The following TAFA1 variants were observed in gnomAD, a reference collection of about 807,000 sequenced individuals.
TAFA1 encodes the protein TAFA chemokine like family member 1, also known as chemokine-like protein TAFA-1.
In TAFA1, 4 loss-of-function variants were observed where a neutral mutation model predicts 18.5. That is an observed-to-expected ratio of 0.22 (90% CI 0.11 to 0.49). The LOEUF (loss-of-function observed/expected upper bound fraction) is 0.49, where lower values mean the gene tolerates loss of function less well. Among genes scored for constraint, TAFA1 ranks in the 20% least tolerant of loss-of-function variants. The probability of loss-of-function intolerance (pLI) is 0.98; values close to 1 mark genes in which losing one functional copy is unlikely to be tolerated. For missense variants in TAFA1, 147 were observed against 169.0 expected (o/e 0.87, Z 0.72); for synonymous variants, 56 against 55.2 (o/e 1.01, Z -0.06).
chr3:68,399,523 C>T (rs143568263), intron 2 of TAFA1, among the ~76,000 whole-genome samples: 30 of 152,220 alleles, frequency 2.0e-4, no homozygotes, highest in African/African-American at 6.5e-4. Context: ...AAATCTGTAT[C>T]TAATTGATTC....
Position 68,361,219 on chromosome 3 carries a change from A to T in TAFA1, c.119-56061A>T, listed in dbSNP as rs993404677. On this transcript the variant is annotated intron_variant, in intron 2 of 4. Transcript: ENST00000478136. ...AACATTGATGGAACTGGAAGTTTTT[A>T]TGTTAAGTGAAAAACCGAACACAGA... Among the ~76,000 whole-genome samples, 12 of 152,150 alleles carry T rather than the reference A, an allele frequency of 7.9e-5. No homozygotes were observed. The East Asian group carries it at 2.3e-3, about 29-fold the overall frequency.
intron 2 of TAFA1, among the ~76,000 whole-genome samples, chr3:68,019,714 A>T (rs940283006): frequency 1.3e-5 from 2 of 152,150 alleles, no homozygotes; most frequent in Non-Finnish European, 1.5e-5. Flanking sequence ...GAAATTGCCT[A>T]TATAATCAGA....
intron 2 of TAFA1, among the ~76,000 whole-genome samples, chr3:68,324,804 C>A (rs974436181): frequency 6.6e-6 from 1 of 152,068 alleles, no homozygotes; most frequent in African/African-American, 2.4e-5. Flanking sequence ...GTAGGACAAA[C>A]GAAGTGGAGC....
chr3:68,228,036 G>T (rs947599775), intron 2 of TAFA1, among the ~76,000 whole-genome samples: 1 of 152,122 alleles, frequency 6.6e-6, no homozygotes. Flanking sequence ...TTGTAGCTGA[G>T]CCCTCAGGAT....
At chr3:68,044,899 AATT>A (rs1705236813) in intron 2 of TAFA1, among the ~76,000 whole-genome samples, 1 of 152,220 alleles carries the variant, frequency 6.6e-6, no homozygotes, top group Non-Finnish European at 1.5e-5. Context: ...AATTGATAGT[AATT>A]ATTATCACAT....
chr3:68,447,117 G>T (rs1358178579), intron 3 of TAFA1, among the ~76,000 whole-genome samples: 1 of 152,130 alleles, frequency 6.6e-6, no homozygotes, highest in Admixed American at 6.6e-5. Context: ...TTAAAAGTGG[G>T]TAAAGAAAAG....
intron 2 of TAFA1, among the ~76,000 whole-genome samples, chr3:68,287,843 A>T (rs1332765028): frequency 2.3e-5 from 3 of 132,974 alleles, no homozygotes; most frequent in African/African-American, 8.2e-5. Flanking sequence ...GGATTGAAGA[A>T]CATTTTTAGA....
At chr3:68,172,728 G>A (rs955286740) in intron 2 of TAFA1, among the ~76,000 whole-genome samples, 1 of 152,022 alleles carries the variant, frequency 6.6e-6, no homozygotes, top group African/African-American at 2.4e-5. Flanking sequence ...ACACAAATAA[G>A]CGTTGGAAAC....
chr3:68,338,557 CA>C (rs1303179168), intron 2 of TAFA1, among the ~76,000 whole-genome samples: 1 of 152,128 alleles, frequency 6.6e-6, no homozygotes. Context: ...TAAGGATTCT[CA>C]ATTCATCCTT....
intron 2 of TAFA1, among the ~76,000 whole-genome samples, chr3:68,294,860 G>T (rs2068180055): frequency 6.6e-6 from 1 of 152,174 alleles, no homozygotes; most frequent in South Asian, 2.1e-4. Context: ...CTGGGCAACA[G>T]AGAGAGATCG....
At chr3:68,345,894 G>C (rs2069156895) in intron 2 of TAFA1, among the ~76,000 whole-genome samples, 1 of 152,116 alleles carries the variant, frequency 6.6e-6, no homozygotes, top group South Asian at 2.1e-4. Context: ...CTTTTTTAGA[G>C]ATAAAGATAG....
chr3:68,429,071 T>G (rs2071113977), intron 3 of TAFA1, among the ~76,000 whole-genome samples: 3 of 151,994 alleles, frequency 2.0e-5, no homozygotes, highest in Admixed American at 6.6e-5. Context: ...AATACTGATT[T>G]CAGCAGGCAG....
At chr3:68,495,973 G>C (rs1963646) in intron 3 of TAFA1, among the ~76,000 whole-genome samples, 1 of 131,154 alleles carries the variant, frequency 7.6e-6, no homozygotes, top group African/African-American at 3.0e-5. Context: ...AAATAACAAC[G>C]ATAGTGAACC....
chr3:68,175,776 A>T (rs1420481196), intron 2 of TAFA1, among the ~76,000 whole-genome samples: 1 of 152,030 alleles, frequency 6.6e-6, no homozygotes, highest in Non-Finnish European at 1.5e-5. Context: ...GATGGTTGGG[A>T]AGGCATGATT....
At chr3:68,414,660 G>A (rs1435876266) in intron 2 of TAFA1, among the ~76,000 whole-genome samples, 1 of 152,182 alleles carries the variant, frequency 6.6e-6, no homozygotes, top group Non-Finnish European at 1.5e-5. Context: ...AGCTCCAAGA[G>A]TAGCAGAGAA....
chr3:68,271,054 A>G (rs2067656669), intron 2 of TAFA1, among the ~76,000 whole-genome samples: 1 of 152,112 alleles, frequency 6.6e-6, no homozygotes, highest in Non-Finnish European at 1.5e-5. Context: ...TAACTAACTG[A>G]AGTTTGCAAA....
At chr3:68,479,357 A>C (rs1185683650) in intron 3 of TAFA1, among the ~76,000 whole-genome samples, 1 of 151,528 alleles carries the variant, frequency 6.6e-6, no homozygotes, top group Non-Finnish European at 1.5e-5. Flanking sequence ...ACTCTGTATA[A>C]ATAACAGCTT....
intron 2 of TAFA1, among the ~76,000 whole-genome samples, chr3:68,124,482 A>G (rs2065440837): frequency 6.6e-6 from 1 of 152,152 alleles, no homozygotes; most frequent in Admixed American, 6.5e-5. Context: ...AGGGAAGCCT[A>G]CTCATAGCAT....
rs192871488 is a variant in TAFA1, at chr3:68,388,459, T to C, written c.119-28821T>C. On this transcript the variant is annotated intron_variant, in intron 2 of 4. Coordinates refer to ENST00000478136, the MANE Select transcript of TAFA1 (RefSeq NM_213609.4). ...AAACATTATTGCTCTAAGCCTATTT[T>C]CATCTATATTTTTGCATTTTTTCTC... Among the ~76,000 whole-genome samples, 452 of 152,290 alleles carry C rather than the reference T, an allele frequency of 3.0e-3. 4 individuals are homozygous for C. Among genetic ancestry groups the C allele is most frequent in the African/African-American group, 0.01 (427 of 41,554 alleles).
Sources: gnomAD v4.1 joint callset for allele counts (sites outside exome capture counted in the v4.1 genomes callset) on GRCh38, gnomAD v4.1.1 for gene constraint, MANE v1.5 for transcripts, NCBI Gene and HGNC (gene_info 2026-07-23, HGNC 2026-07-21) for gene names.